Variants in KCNK9 observed in about 807,000 individuals in gnomAD.
KCNK9 encodes the protein potassium two pore domain channel subfamily K member 9, also known as potassium channel subfamily K member 9.
KCNK9 carries 1 observed loss-of-function variant against 10.8 expected under a neutral mutation model. That is an observed-to-expected ratio of 0.09 (90% CI 0.03 to 0.44). The LOEUF (loss-of-function observed/expected upper bound fraction) is 0.44. Among genes scored for constraint, KCNK9 ranks in the 20% least tolerant of loss-of-function variants. KCNK9 has a pLI of 0.97. For missense variants in KCNK9, 303 were observed against 515.0 expected (o/e 0.59, Z 3.98); for synonymous variants, 231 against 222.7 (o/e 1.04, Z -0.33).
intron 1 of KCNK9, among the ~76,000 whole-genome samples, chr8:139,645,438 G>A (rs929584865): frequency 1.3e-5 from 2 of 152,196 alleles, no homozygotes; most frequent in African/African-American, 4.8e-5. Context: ...GGGAGGAGAG[G>A]AAGTTGGCAT....
intron 1 of KCNK9, among the ~76,000 whole-genome samples, chr8:139,660,013 G>A (rs1816111948): frequency 1.3e-5 from 2 of 152,124 alleles, no homozygotes; most frequent in Non-Finnish European, 2.9e-5. Flanking sequence ...AACAGAGTGG[G>A]GTGGGAGTCT....
intron 1 of KCNK9, among the ~76,000 whole-genome samples, chr8:139,619,845 T>C (rs1814723142): frequency 6.6e-6 from 1 of 152,256 alleles, no homozygotes; most frequent in Non-Finnish European, 1.5e-5. Flanking sequence ...TTTTGTTCGC[T>C]GCTGTATTCC....
chr8:139,622,048 G>C (rs1010355537), intron 1 of KCNK9, among the ~76,000 whole-genome samples: 2 of 152,158 alleles, frequency 1.3e-5, no homozygotes, highest in East Asian at 3.8e-4. Context: ...CAGTACACTG[G>C]TATGTCCTGT....
intron 1 of KCNK9, among the ~76,000 whole-genome samples, chr8:139,697,391 G>A (rs1817088501): frequency 7.0e-6 from 1 of 142,736 alleles, no homozygotes; most frequent in African/African-American, 2.5e-5. Context: ...GGATGGATAA[G>A]TGGGTGGATG....
intron 1 of KCNK9, among the ~76,000 whole-genome samples, chr8:139,642,556 G>C (rs575988736): frequency 6.6e-6 from 1 of 152,334 alleles, no homozygotes; most frequent in Non-Finnish European, 1.5e-5. Context: ...AAACCCCCGA[G>C]TCAAAATAGG....
In KCNK9 at chr8:139,618,054, T is replaced by C; in HGVS notation, c.*204A>G. On this transcript the variant is annotated 3_prime_UTR_variant, in exon 2 of 2. Transcript: ENST00000520439. This position sits in a 1 kb window ranked among gnomAD's most constrained non-coding sequence, Gnocchi z 7.9. ...CTCAGATGTGAGTTTCAGAGGAGGA[T>C]GGGCCTGTATTTCCCTTTGGCCTGC... 1 of 621,510 alleles carries C rather than the reference T, an allele frequency of 1.6e-6. No homozygotes were observed. The highest frequency in any genetic ancestry group is 2.7e-6 in the Non-Finnish European group (1 of 364,306). 38.5% of individuals were successfully genotyped at this position (621,510 alleles called of 1,614,324 possible). A position where few individuals can be genotyped will look rare whatever the true frequency, so the allele number is the denominator to read the frequency against.
intron 1 of KCNK9, among the ~76,000 whole-genome samples, chr8:139,691,554 C>T (rs924366524): frequency 6.6e-6 from 1 of 152,100 alleles, no homozygotes; most frequent in African/African-American, 2.4e-5. Flanking sequence ...GAGGATCTCA[C>T]AGAATCCACA....
intron 1 of KCNK9, among the ~76,000 whole-genome samples, chr8:139,659,770 C>T (rs1272893451): frequency 6.6e-6 from 1 of 151,248 alleles, no homozygotes; most frequent in African/African-American, 2.4e-5. Context: ...GATCCGCCTG[C>T]CTTGGCCTCC....
At chr8:139,632,607 G>T (rs926872720) in intron 1 of KCNK9, among the ~76,000 whole-genome samples, 1 of 152,092 alleles carries the variant, frequency 6.6e-6, no homozygotes, top group Non-Finnish European at 1.5e-5. Context: ...AAAACCTGCC[G>T]TATGATTTTC....
intron 1 of KCNK9, among the ~76,000 whole-genome samples, chr8:139,674,267 C>G (rs533852464): frequency 6.6e-6 from 1 of 152,190 alleles, no homozygotes; most frequent in Non-Finnish European, 1.5e-5. Context: ...CTCCTCTTTC[C>G]GCTGTCTGCC....
At chr8:139,609,739 TTAAAAC>T (rs985723138), downstream of KCNK9, among the ~76,000 whole-genome samples, 1 of 152,156 alleles carries the variant, frequency 6.6e-6, no homozygotes, top group African/African-American at 2.4e-5. Context: ...CCATATGTCA[TTAAAAC>T]TAAAGCATCT....
At chr8:139,637,785 A>ACACACACACACACACACACACACAC (rs3032725) in intron 1 of KCNK9, among the ~76,000 whole-genome samples, 13 of 149,536 alleles carry the variant, frequency 8.7e-5, no homozygotes, top group South Asian at 2.2e-4. Flanking sequence ...ACACACACAC[A>ACACACACACACACACACACACACAC]ATAATAGTAA....
At chr8:139,660,445 AAAAAATAT>A (rs1490574016) in intron 1 of KCNK9, among the ~76,000 whole-genome samples, 1 of 126,874 alleles carries the variant, frequency 7.9e-6, no homozygotes, top group African/African-American at 3.7e-5. Flanking sequence ...CTCTGCTAAA[AAAAAATAT>A]ATATATATAT....
rs564880815 is a variant in KCNK9, at chr8:139,649,515, G to A, written c.284-30416C>T. ...TCCCTGCCTCTGCCTTGCCTACTGTGGACCTTACCACCCACCCCTGAGATA... is the reference window on the plus strand; with the variant it reads ...TCCCTGCCTCTGCCTTGCCTACTGTAGACCTTACCACCCACCCCTGAGATA... On this transcript the variant is annotated intron_variant, in intron 1 of 1. Transcript: ENST00000520439. Among the ~76,000 whole-genome samples, 9 of 152,274 alleles carry A rather than the reference G, an allele frequency of 5.9e-5. No homozygotes were observed. In the South Asian group the frequency reaches 1.2e-3, roughly 21 times the overall value.
At chr8:139,657,342 C>A (rs1205536924) in intron 1 of KCNK9, among the ~76,000 whole-genome samples, 1 of 152,188 alleles carries the variant, frequency 6.6e-6, no homozygotes, top group African/African-American at 2.4e-5. Flanking sequence ...CAATCCAGAA[C>A]ATTAGTCACA....
chr8:139,641,632 C>A (rs1586655767), intron 1 of KCNK9, among the ~76,000 whole-genome samples: 1 of 1,292 alleles, frequency 7.7e-4, no homozygotes, highest in Admixed American at 6.0e-3. Context: ...TCTGGCCTGC[C>A]CCCCCCCCGC....
chr8:139,617,414 T>G lies in KCNK9; in HGVS notation c.*844A>C, dbSNP rs1355038461. Among the ~76,000 whole-genome samples, 1 of 152,260 alleles carries G rather than the reference T, an allele frequency of 6.6e-6. No homozygotes were observed. Among genetic ancestry groups the G allele is most frequent in the African/African-American group, 2.4e-5 (1 of 41,472 alleles). On this transcript the variant is annotated 3_prime_UTR_variant, in exon 2 of 2. Transcript: ENST00000520439. The stretch of plus-strand genomic sequence containing the variant: ...TAAGTTAATGTTATTGGCTTTGGAT[T>G]ATTCCATTTCTAGTTTTTTTGTTGA...
intron 1 of KCNK9, among the ~76,000 whole-genome samples, chr8:139,687,165 T>G (rs930349957): frequency 6.6e-6 from 1 of 151,864 alleles, no homozygotes; most frequent in African/African-American, 2.4e-5. Context: ...AAAACACATG[T>G]GCATGCCAGA....
At chr8:139,605,162 T>C (rs1817458574) in intron 2 of KCNK9, among the ~76,000 whole-genome samples, 2 of 152,236 alleles carry the variant, frequency 1.3e-5, no homozygotes, top group Non-Finnish European at 2.9e-5. Context: ...CTTGTGTCCA[T>C]ACACACACTG....
Sources: gnomAD v4.1 joint callset for allele counts (sites outside exome capture counted in the v4.1 genomes callset) on GRCh38, gnomAD v4.1.1 for gene constraint, Gnocchi (gnomAD v3.1) non-coding constraint, MANE v1.5 for transcripts, NCBI Gene and HGNC (gene_info 2026-07-23, HGNC 2026-07-21) for gene names.